The following DIP2C variants were observed in gnomAD, a reference collection of about 807,000 sequenced individuals.
DIP2C encodes the protein DIP2 acetate--CoA ligase C (putative).
A neutral mutation model predicts 192.4 loss-of-function variants in DIP2C; 33 were observed. The observed-to-expected ratio is 0.17, with a 90% CI of 0.13 to 0.23. The LOEUF is 0.23. Among genes scored for constraint, DIP2C ranks in the 10% least tolerant of loss-of-function variants. DIP2C has a pLI of 1.00. For synonymous variants in DIP2C, 979 were observed against 864.1 expected, an observed-to-expected ratio of 1.13 and a Z score of -2.33; for missense variants, 1,537 against 2,110.1, an observed-to-expected ratio of 0.73 and a Z score of 5.32.
At chr10:449,938 A>G (rs1469076639) in intron 3 of DIP2C, among the ~76,000 whole-genome samples, 2 of 123,930 alleles carry the variant, frequency 1.6e-5, no homozygotes, top group African/African-American at 4.9e-5. Flanking sequence ...AAAAAAAAAG[A>G]AAATCTGAGA....
chr10:551,207 C>T (rs770532076), intron 1 of DIP2C, among the ~76,000 whole-genome samples: 2 of 152,240 alleles, frequency 1.3e-5, no homozygotes, highest in African/African-American at 4.8e-5. Context: ...CTGACACTGC[C>T]TCAAGCGCCT....
At chr10:525,757 G>A (rs1847015095) in intron 1 of DIP2C, among the ~76,000 whole-genome samples, 1 of 152,204 alleles carries the variant, frequency 6.6e-6, no homozygotes, top group Non-Finnish European at 1.5e-5. Flanking sequence ...CTGTGCAGGT[G>A]ACTCAGCTAA....
intron 24 of DIP2C, among the ~76,000 whole-genome samples, chr10:355,153 C>T (rs12765028): frequency 0.026 from 3,961 of 152,230 alleles, 78 homozygotes; most frequent in Non-Finnish European, 0.036. Context: ...ACAGCACCAG[C>T]GAACGAGGGC....
rs536087650 is a variant in DIP2C at position 382,523 on chromosome 10, T to G, written c.1991+124A>C. 5.8e-6 allele frequency: 4 copies of G among 688,610 alleles called. No homozygotes were observed. The South Asian group carries it at 7.0e-5, about 12-fold the overall frequency. The allele number at this position is 688,610 out of a possible 1,614,324, so 42.7% of individuals were successfully genotyped here. A position where few individuals can be genotyped will look rare whatever the true frequency, so the allele number is the denominator to read the frequency against. On this transcript the variant is annotated intron_variant, in intron 17 of 36. Transcript: ENST00000280886. ...CATAAAAACAGAAATAAACTCATCTTGAAAGGTTAGGTCCCGTTTTCACCC... is the reference window on the plus strand; with the variant it reads ...CATAAAAACAGAAATAAACTCATCTGGAAAGGTTAGGTCCCGTTTTCACCC...
At chr10:329,361 C>T (rs1709332602) in intron 30 of DIP2C, 72 bp downstream of exon 30, 1 of 1,482,424 alleles carries the variant, frequency 6.7e-7, no homozygotes, top group African/African-American at 1.4e-5. Context: ...TTCACCCCAT[C>T]ACAGATGTGC....
At chr10:337,283 C>G (rs1203244969) in intron 29 of DIP2C, among the ~76,000 whole-genome samples, 2 of 11,850 alleles carry the variant, frequency 1.7e-4, no homozygotes, top group African/African-American at 3.0e-4. Flanking sequence ...TGTGTGTGTT[C>G]TGTGGAGGCC....
At position 570,908 on chromosome 10, in the gene DIP2C, G is replaced by A. The variant is rs187166221; in HGVS notation, c.86-84378C>T. Among the ~76,000 whole-genome samples, 13 of 152,382 alleles carry A rather than the reference G, an allele frequency of 8.5e-5. No homozygotes were observed. In the East Asian group the frequency reaches 2.5e-3, roughly 29 times the overall value. The stretch of plus-strand genomic sequence containing the variant: ...AATTCCATGTACTGCTGCAACAGCA[G>A]CATCCCCCTCCTCGCCAGGCTCTGC... On this transcript the variant is annotated intron_variant, in intron 1 of 36. Transcript: ENST00000280886.
intron 28 of DIP2C, 76 bp downstream of exon 28, chr10:344,733 G>A: frequency 8.0e-7 from 1 of 1,251,680 alleles, no homozygotes. Flanking sequence ...GGCGCTGAGA[G>A]CCAGCACGTG....
chr10:476,515 T>C (rs760040912), intron 2 of DIP2C, among the ~76,000 whole-genome samples: 18 of 152,246 alleles, frequency 1.2e-4, no homozygotes, highest in Non-Finnish European at 2.1e-4. Flanking sequence ...AAGCCAGGAC[T>C]ATTACTTCTG....
chr10:660,027 T>C (rs1856656956), intron 1 of DIP2C, among the ~76,000 whole-genome samples: 1 of 152,224 alleles, frequency 6.6e-6, no homozygotes, highest in South Asian at 2.1e-4. Context: ...CAAAAGGAAA[T>C]GTCAAGAGGC....
At chr10:384,461 C>T in intron 15 of DIP2C, 85 bp downstream of exon 15, 4 of 1,380,182 alleles carry the variant, frequency 2.9e-6, no homozygotes, top group Non-Finnish European at 3.1e-6. Context: ...TGGTCTGGAA[C>T]TCCTGACCTC....
chr10:618,699 T>C (rs532519085), intron 1 of DIP2C, among the ~76,000 whole-genome samples: 43 of 152,354 alleles, frequency 2.8e-4, no homozygotes, highest in South Asian at 4.1e-4. Context: ...AACCGTGGAA[T>C]AATTATTTGG....
At chr10:650,726 G>C (rs1429443360) in intron 1 of DIP2C, 3 of 634,486 alleles carry the variant, frequency 4.7e-6, no homozygotes, top group Non-Finnish European at 8.7e-6. Context: ...GCTCTGGGCC[G>C]ACCCCCCCTC....
intron 5 of DIP2C, among the ~76,000 whole-genome samples, chr10:419,569 G>C (rs1966036072): frequency 6.6e-6 from 1 of 152,180 alleles, no homozygotes; most frequent in South Asian, 2.1e-4. Context: ...CCAAAGGCCT[G>C]GAATTGGAAA....
chr10:658,190 T>C, intron 1 of DIP2C, among the ~76,000 whole-genome samples: 1 of 151,052 alleles, frequency 6.6e-6, no homozygotes, highest in Non-Finnish European at 1.5e-5. Flanking sequence ...GACCTCACAC[T>C]GGACCTGTCC....
Position 349,466 on chromosome 10 carries a change from T to C in DIP2C, c.2986-12A>G. 1 of 1,595,888 alleles carries C rather than the reference T, an allele frequency of 6.3e-7. No homozygotes were observed. Among genetic ancestry groups the C allele is most frequent in the Non-Finnish European group, 8.5e-7 (1 of 1,170,298 alleles). ...TTCGCTATCGCACCCTGCGGGCCGA[T>C]CACAGGGACAAGCACATAAGATTCC... is the stretch of plus-strand genomic sequence containing the variant. On this transcript the variant is annotated splice_polypyrimidine_tract_variant and intron_variant, in intron 24 of 36. Coordinates refer to ENST00000280886, the MANE Select transcript of DIP2C (RefSeq NM_014974.3).
chr10:508,428 T>TTA (rs1845780383), intron 1 of DIP2C, among the ~76,000 whole-genome samples: 1 of 151,800 alleles, frequency 6.6e-6, no homozygotes, highest in Non-Finnish European at 1.5e-5. Context: ...CAAAAGGGGG[T>TTA]TAATTCTAAC....
At chr10:470,602 G>A (rs760204282) in intron 3 of DIP2C, among the ~76,000 whole-genome samples, 12 of 152,226 alleles carry the variant, frequency 7.9e-5, no homozygotes, top group Non-Finnish European at 1.6e-4. Flanking sequence ...CTTATCTCGT[G>A]GAGTAGCTGG....
At chr10:425,501 G>A (rs1258497872) in intron 4 of DIP2C, among the ~76,000 whole-genome samples, 1 of 137,114 alleles carries the variant, frequency 7.3e-6, no homozygotes, top group Non-Finnish European at 1.7e-5. Flanking sequence ...ATGACCAGCG[G>A]TGACTAATAT....
Sources: allele counts gnomAD v4.1 joint callset (sites outside exome capture counted in the v4.1 genomes callset), GRCh38; gene constraint gnomAD v4.1.1; transcripts MANE v1.5; gene names NCBI Gene and HGNC (gene_info 2026-07-23, HGNC 2026-07-21).